Variants in ATRNL1 observed in about 807,000 individuals in gnomAD.
ATRNL1 encodes the protein attractin-like protein 1.
Under a neutral mutation model 182.7 loss-of-function variants are expected in ATRNL1, and 95 were observed. The observed-to-expected ratio is 0.52, with a 90% CI of 0.44 to 0.62. ATRNL1 has a LOEUF of 0.62. Ranked by LOEUF, ATRNL1 falls within the 20% of genes least tolerant of loss-of-function variation. The pLI is 0.00. For synonymous variants in ATRNL1, 576 were observed against 568.3 expected, an observed-to-expected ratio of 1.01 and a Z score of -0.19; for missense variants, 1,471 against 1,679.5, an observed-to-expected ratio of 0.88 and a Z score of 2.17.
chr10:115,716,902 CTG>C (rs1947268939), intron 26 of ATRNL1, among the ~76,000 whole-genome samples: 2 of 152,088 alleles, frequency 1.3e-5, no homozygotes, highest in Admixed American at 6.6e-5. Context: ...CATAGTATGA[CTG>C]TGGGGGTATT....
intron 5 of ATRNL1, among the ~76,000 whole-genome samples, chr10:115,139,301 CTT>C (rs1341926655): frequency 1.3e-5 from 2 of 152,204 alleles, no homozygotes; most frequent in African/African-American, 4.8e-5. Flanking sequence ...TTTCGGGTAT[CTT>C]TTCAGCCGCG....
chr10:115,587,451 T>C (rs541433908), intron 26 of ATRNL1, among the ~76,000 whole-genome samples: 1 of 151,776 alleles, frequency 6.6e-6, no homozygotes, highest in Non-Finnish European at 1.5e-5. Flanking sequence ...GTGCGGAATA[T>C]AATCTCGTGG....
chr10:115,152,700 C>T (rs190464067), intron 5 of ATRNL1, among the ~76,000 whole-genome samples: 16 of 152,082 alleles, frequency 1.1e-4, no homozygotes, highest in South Asian at 2.1e-4. Context: ...ATTGAATACC[C>T]TCTATTTCTT....
intron 26 of ATRNL1, among the ~76,000 whole-genome samples, chr10:115,651,427 C>T (rs1859995895): frequency 6.6e-6 from 1 of 152,076 alleles, no homozygotes; most frequent in South Asian, 2.1e-4. Context: ...TTAGTCATTA[C>T]TACTATTGGG....
intron 15 of ATRNL1, among the ~76,000 whole-genome samples, chr10:115,287,924 G>GTTTTTTTTTTTTTTTTTTTT (rs11298663): frequency 3.3e-5 from 3 of 91,020 alleles, no homozygotes; most frequent in African/African-American, 4.2e-5. Context: ...AAGATCAACT[G>GTTTTTTTTTTTTTTTTTTTT]TTTTTTTTTT....
At chr10:115,910,921 A>G (rs905871553) in intron 28 of ATRNL1, among the ~76,000 whole-genome samples, 11 of 152,106 alleles carry the variant, frequency 7.2e-5, no homozygotes, top group African/African-American at 2.7e-4. Flanking sequence ...TTTGCTTTCT[A>G]GTTTGCAAGT....
chr10:115,496,313 TG>T (rs1419563345), intron 24 of ATRNL1, among the ~76,000 whole-genome samples: 2 of 152,230 alleles, frequency 1.3e-5, no homozygotes, highest in African/African-American at 4.8e-5. Context: ...TGTCTTTTTG[TG>T]GTGGAAAGTA....
intron 28 of ATRNL1, among the ~76,000 whole-genome samples, chr10:115,929,199 T>A (rs1555120993): frequency 6.6e-6 from 1 of 152,004 alleles, no homozygotes; most frequent in African/African-American, 2.4e-5. Flanking sequence ...AGGAAAAATT[T>A]ATAGATGCTA....
intron 10 of ATRNL1, among the ~76,000 whole-genome samples, chr10:115,256,182 C>A (rs1275772032): frequency 1.3e-5 from 2 of 152,114 alleles, no homozygotes; most frequent in Non-Finnish European, 2.9e-5. Context: ...CCCTCTTTTT[C>A]TATTGATTGG....
At chr10:115,888,116 C>T (rs946130849) in intron 28 of ATRNL1, among the ~76,000 whole-genome samples, 1 of 152,120 alleles carries the variant, frequency 6.6e-6, no homozygotes, top group Non-Finnish European at 1.5e-5. Flanking sequence ...TGTTCTGTGC[C>T]GAGTTCTCTA....
intron 25 of ATRNL1, among the ~76,000 whole-genome samples, chr10:115,535,487 G>T (rs1267829882): frequency 1.3e-5 from 2 of 149,788 alleles, no homozygotes; most frequent in Non-Finnish European, 3.0e-5. Context: ...CTCTGTATTG[G>T]TTATTCTAGT....
At chr10:115,933,719 T>G (rs537574355) in intron 28 of ATRNL1, among the ~76,000 whole-genome samples, 25 of 152,322 alleles carry the variant, frequency 1.6e-4, no homozygotes, top group African/African-American at 5.5e-4. Flanking sequence ...CCATGGAATT[T>G]TGGGACTTTT....
chr10:115,531,404 T>C (rs1198524058), intron 25 of ATRNL1, among the ~76,000 whole-genome samples: 38 of 152,286 alleles, frequency 2.5e-4, no homozygotes, highest in Non-Finnish European at 4.7e-4. Flanking sequence ...TTTCATGTGT[T>C]TTTTGGCTGC....
chr10:115,837,365 T>C (rs1950699212), intron 27 of ATRNL1, among the ~76,000 whole-genome samples: 1 of 151,804 alleles, frequency 6.6e-6, no homozygotes, highest in Non-Finnish European at 1.5e-5. Flanking sequence ...CTAACATCCT[T>C]TCTCTCATTT....
rs556053258 is a variant in ATRNL1 at position 115,831,254 on chromosome 10, G to A, written c.3904-16623G>A. Reference sequence around the variant, plus strand: ...TGGAAGCCAGAGGAGGCCTGTTCACGCCCCTCTCCCCTCCTAGCACCTCCC... The same window carrying A: ...TGGAAGCCAGAGGAGGCCTGTTCACACCCCTCTCCCCTCCTAGCACCTCCC... On this transcript the variant is annotated intron_variant, in intron 27 of 28. Coordinates refer to ENST00000355044, the MANE Select transcript of ATRNL1 (RefSeq NM_207303.4). 9.2e-5 allele frequency among the ~76,000 whole-genome samples: 14 copies of A among 152,122 alleles called. No individual in the cohort carries two copies. The South Asian group carries it at 1.2e-3, about 14-fold the overall frequency.
chr10:115,344,663 A>G (rs1855898953), intron 19 of ATRNL1, among the ~76,000 whole-genome samples: 1 of 152,172 alleles, frequency 6.6e-6, no homozygotes, highest in African/African-American at 2.4e-5. Context: ...AAGGCAAAGT[A>G]CCATTTACTT....
At chr10:115,215,025 A>C (rs150280089) in intron 8 of ATRNL1, among the ~76,000 whole-genome samples, 1 of 152,184 alleles carries the variant, frequency 6.6e-6, no homozygotes, top group Non-Finnish European at 1.5e-5. Context: ...GGGAATACCT[A>C]TTAAGCCAGC....
chr10:115,113,714 C>T (rs1237119619), intron 1 of ATRNL1, among the ~76,000 whole-genome samples: 1 of 152,202 alleles, frequency 6.6e-6, no homozygotes, highest in Non-Finnish European at 1.5e-5. Flanking sequence ...GTCCATTAAA[C>T]CTCTTTCTTT....
At chr10:115,868,541 C>A (rs937318245) in intron 28 of ATRNL1, among the ~76,000 whole-genome samples, 2 of 152,124 alleles carry the variant, frequency 1.3e-5, no homozygotes, top group Admixed American at 1.3e-4. Context: ...TATCACAGAC[C>A]GTCAATGCTT....
Sources: allele counts gnomAD v4.1 joint callset (sites outside exome capture counted in the v4.1 genomes callset), GRCh38; gene constraint gnomAD v4.1.1; transcripts MANE v1.5; gene names NCBI Gene and HGNC (gene_info 2026-07-23, HGNC 2026-07-21).